Variants in OR52N4 observed in about 807,000 individuals in gnomAD.
OR52N4 encodes the protein olfactory receptor family 52 subfamily N member 4.
Under a neutral mutation model 15.0 loss-of-function variants are expected in OR52N4, and 15 were observed. The observed-to-expected ratio is 1.00, with a 90% confidence interval of 0.67 to 1.54. The LOEUF (loss-of-function observed/expected upper bound fraction) is 1.54, where lower values mean the gene tolerates loss of function less well. OR52N4 is among the 40% of genes most tolerant of loss of function. The pLI is 0.00. For synonymous variants in OR52N4, 143 were observed against 143.7 expected (o/e 1.00, Z 0.03); for missense variants, 421 against 394.0 (o/e 1.07, Z -0.58).
the OR52N4 span, chr11:5,738,656 G>A: frequency 2.0e-5 from 3 of 151,974 alleles, no homozygotes; most frequent in East Asian, 1.9e-4. Flanking sequence ...AAGAATGTAG[G>A]CAGCTTCAGC....
At chr11:5,736,415 GAAGA>G in the OR52N4 span, 1 of 974,822 alleles carries the variant, frequency 1.0e-6, no homozygotes, top group East Asian at 2.4e-5. Context: ...CTAAAGAGAT[GAAGA>G]AAGGCTTAGA....
chr11:5,748,654 C>T, the OR52N4 span, among the ~76,000 whole-genome samples: 12 of 151,768 alleles, frequency 7.9e-5, no homozygotes, highest in South Asian at 2.1e-4. Flanking sequence ...TCTAAATAAA[C>T]GTTAATTGAA....
At chr11:5,739,561 C>CAAAAAAAA in the OR52N4 span, among the ~76,000 whole-genome samples, 1 of 44,870 alleles carries the variant, frequency 2.2e-5, no homozygotes, top group Non-Finnish European at 4.5e-5. Flanking sequence ...GACTCTGACT[C>CAAAAAAAA]AAAAAAAAAA....
upstream of OR52N4, among the ~76,000 whole-genome samples, chr11:5,750,052 A>T (rs1219396292): frequency 6.6e-6 from 1 of 151,946 alleles, no homozygotes; most frequent in Non-Finnish European, 1.5e-5. Context: ...GTAAGCATAA[A>T]ACCAGTTTTA....
rs1457138401 is a variant in OR52N4 at position 5,755,474 on chromosome 11, C to A, written c.734C>A (p.Ala245Asp). 11 of 1,613,922 alleles carry A rather than the reference C, an allele frequency of 6.8e-6. No homozygotes were observed. The highest frequency in any genetic ancestry group is 4.0e-5 in the African/African-American group (3 of 74,918). The change falls in exon 2 of 2, where the codon GCC becomes GAC. Residue 245 changes from alanine to aspartate, a missense_variant. Coordinates refer to ENST00000641350, the MANE Select transcript of OR52N4 (RefSeq NM_001005175.5). ...CAGAAGGCCTTTAATACCTGCACTG[C>A]CCACATTTGTGCCATTGTTTTCTCC... ...ARQKAFNTCT[A>D]HICAIVFSYT...
upstream of OR52N4, among the ~76,000 whole-genome samples, chr11:5,749,527 C>A (rs1328445153): frequency 6.6e-6 from 1 of 151,926 alleles, no homozygotes; most frequent in Admixed American, 6.6e-5. Flanking sequence ...ATTACCCCCA[C>A]AATAAGGAGA....
At chr11:5,736,809 C>A in the OR52N4 span, 1 of 1,613,860 alleles carries the variant, frequency 6.2e-7, no homozygotes, top group East Asian at 2.2e-5. Context: ...TGGTTTGATG[C>A]CAAGGTTATT....
intron 1 of OR52N4, 46 bp from the exon 2 acceptor site, chr11:5,754,646 CA>C: frequency 7.7e-7 from 1 of 1,298,658 alleles, no homozygotes. Context: ...GAGAGGGAGA[CA>C]GTAAAAATAA....
the OR52N4 span, among the ~76,000 whole-genome samples, chr11:5,733,873 C>T: frequency 6.6e-6 from 1 of 152,090 alleles, no homozygotes; most frequent in South Asian, 2.1e-4. Context: ...TTTATAGGTC[C>T]ATTTTGATTT....
the OR52N4 span, chr11:5,726,741 T>C: frequency 6.5e-6 from 1 of 153,270 alleles, no homozygotes; most frequent in Non-Finnish European, 1.5e-5. Context: ...GTCTCCACAG[T>C]TCCCAAGCTA....
At chr11:5,747,822 A>G in the OR52N4 span, among the ~76,000 whole-genome samples, 4 of 152,222 alleles carry the variant, frequency 2.6e-5, no homozygotes, top group South Asian at 2.1e-4. Context: ...ACAATGCATT[A>G]AAACCAATAA....
chr11:5,755,436 A>G lies in OR52N4; in HGVS notation c.696A>G (p.Ser232=), dbSNP rs1854291548. ...TCCGGGCAGTGGTCAGCCTCTCCTCAGCAGATGCTCGGCAGAAGGCCTTTA... is the reference window on the plus strand; with the variant it reads ...TCCGGGCAGTGGTCAGCCTCTCCTCGGCAGATGCTCGGCAGAAGGCCTTTA... ...MILRAVVSLS[S]ADARQKAFNT... The change falls in exon 2 of 2, where the codon TCA becomes TCG. Residue 232 remains serine, a synonymous_variant. Transcript: ENST00000641350. The G allele has an allele frequency of 6.2e-7, 1 of 1,614,058 alleles. No homozygotes were observed. The highest frequency in any genetic ancestry group is 1.7e-5 in the Admixed American group (1 of 60,000).
the OR52N4 span, among the ~76,000 whole-genome samples, chr11:5,733,133 G>T: frequency 6.6e-6 from 1 of 152,058 alleles, no homozygotes; most frequent in South Asian, 2.1e-4. Flanking sequence ...GTACAATCTG[G>T]TCTTCACATT....
upstream of OR52N4, among the ~76,000 whole-genome samples, chr11:5,751,013 G>A (rs1342533203): frequency 6.6e-6 from 1 of 151,904 alleles, no homozygotes; most frequent in Admixed American, 6.6e-5. Context: ...TTCGTTATTT[G>A]TGTTATAGAA....
At chr11:5,729,779 T>G in the OR52N4 span, among the ~76,000 whole-genome samples, 1 of 152,220 alleles carries the variant, frequency 6.6e-6, no homozygotes, top group Non-Finnish European at 1.5e-5. Flanking sequence ...TTGATTTCAA[T>G]TCCATAAAAA....
chr11:5,728,874 T>C, the OR52N4 span, among the ~76,000 whole-genome samples: 1 of 152,158 alleles, frequency 6.6e-6, no homozygotes. Context: ...CTGGTTTTAA[T>C]TTTTTTATTC....
the OR52N4 span, chr11:5,737,742 ATGAT>A: frequency 2.8e-6 from 1 of 362,528 alleles, no homozygotes. Context: ...AAAGAACTTA[ATGAT>A]TGATATCTAT....
At chr11:5,741,641 A>G in the OR52N4 span, among the ~76,000 whole-genome samples, 5 of 152,222 alleles carry the variant, frequency 3.3e-5, no homozygotes, top group African/African-American at 1.2e-4. Context: ...TAAAATGTTC[A>G]GCTATGGCTC....
chr11:5,755,368 G>A lies in OR52N4; in HGVS notation c.628G>A (p.Gly210Ser). 1 of 1,613,994 alleles carries A rather than the reference G, an allele frequency of 6.2e-7. No individual in the cohort carries two copies. Among genetic ancestry groups the A allele is most frequent in the Non-Finnish European group, 8.5e-7 (1 of 1,179,980 alleles). Residue 210 changes from glycine to serine, a missense_variant, in exon 2 of 2, where the codon GGC (glycine) becomes AGC (serine). Transcript: ENST00000641350. ...YGLMVALLIW[G>S]FDILCITNSY... is the part of the protein sequence containing the mutation. ...TCTGATGGTTGCCCTCCTGATTTGG[G>A]GCTTTGACATACTGTGTATCACCAA...
Sources: allele counts gnomAD v4.1 joint callset (sites outside exome capture counted in the v4.1 genomes callset), GRCh38; gene constraint gnomAD v4.1.1; transcripts MANE v1.5; gene names NCBI Gene and HGNC (gene_info 2026-07-23, HGNC 2026-07-21).